The following NAA11 variants were observed in gnomAD, a reference collection of about 807,000 sequenced individuals.
NAA11 encodes the protein N-alpha-acetyltransferase 11.
A neutral mutation model predicts 16.1 loss-of-function variants in NAA11; 15 were observed. That is an observed-to-expected ratio of 0.93 (90% CI 0.62 to 1.44). The LOEUF is 1.44. Among genes scored for constraint, NAA11 ranks in the 40% most tolerant of loss-of-function variants. The pLI is 0.00. For missense variants in NAA11, 298 were observed against 291.3 expected (o/e 1.02, Z -0.17); for synonymous variants, 122 against 112.4 (o/e 1.09, Z -0.54).
the NAA11 span, among the ~76,000 whole-genome samples, chr4:79,191,650 T>C: frequency 6.6e-6 from 1 of 152,222 alleles, no homozygotes; most frequent in South Asian, 2.1e-4. Context: ...ACTCTGTTGA[T>C]AGTTTCTTTT....
chr4:79,307,642 T>A (rs1171153563), intron 1 of NAA11, among the ~76,000 whole-genome samples: 1 of 152,050 alleles, frequency 6.6e-6, no homozygotes, highest in Non-Finnish European at 1.5e-5. Flanking sequence ...TAGAGACACA[T>A]AAAACCTGAC....
chr4:79,244,638 C>CCCCCTCCCCCTCGCCATCTCCCCTCT (rs60096999), intron 2 of NAA11: 1 of 44,336 alleles, frequency 2.3e-5, no homozygotes, highest in African/African-American at 5.7e-5. Flanking sequence ...CCCTCCCCCT[C>CCCCCTCCCCCTCGCCATCTCCCCTCT]CCCGTCTCCG....
chr4:79,196,200 T>C, the NAA11 span, among the ~76,000 whole-genome samples: 1 of 152,052 alleles, frequency 6.6e-6, no homozygotes, highest in East Asian at 1.9e-4. Flanking sequence ...CTTCATTTCC[T>C]GTGCCCTCTA....
chr4:79,270,249 T>C (rs1722462654), intron 2 of NAA11, among the ~76,000 whole-genome samples: 1 of 151,936 alleles, frequency 6.6e-6, no homozygotes, highest in African/African-American at 2.4e-5. Flanking sequence ...AGAAAGTCAT[T>C]GGTAGCTTGA....
At chr4:79,168,642 CAT>C in the NAA11 span, among the ~76,000 whole-genome samples, 1 of 152,078 alleles carries the variant, frequency 6.6e-6, no homozygotes, top group African/African-American at 2.4e-5. Flanking sequence ...CTCTTTTTCA[CAT>C]GTTTATTTAC....
downstream of NAA11, among the ~76,000 whole-genome samples, chr4:79,314,943 T>C (rs116331942): frequency 5.3e-3 from 803 of 152,220 alleles, 6 homozygotes; most frequent in African/African-American, 0.018. Context: ...ATTGAAATTA[T>C]TAGGCCATCA....
At chr4:79,166,078 T>C in the NAA11 span, among the ~76,000 whole-genome samples, 1 of 152,180 alleles carries the variant, frequency 6.6e-6, no homozygotes, top group Non-Finnish European at 1.5e-5. Context: ...AATGGAGAAG[T>C]ACTTAAGCCA....
intron 1 of NAA11, among the ~76,000 whole-genome samples, chr4:79,318,697 G>C (rs1220401452): frequency 6.6e-6 from 1 of 152,110 alleles, no homozygotes; most frequent in Non-Finnish European, 1.5e-5. Flanking sequence ...AAGATATGGA[G>C]GAACAGGTCA....
intron 1 of NAA11, among the ~76,000 whole-genome samples, chr4:79,323,833 A>T (rs183276093): frequency 6.7e-6 from 1 of 149,658 alleles, no homozygotes; most frequent in African/African-American, 2.5e-5. Flanking sequence ...AAAAAGAAAA[A>T]AAGATACAAA....
intron 2 of NAA11, among the ~76,000 whole-genome samples, chr4:79,257,316 A>G (rs138800770): frequency 5.9e-5 from 9 of 152,248 alleles, no homozygotes; most frequent in African/African-American, 2.2e-4. Context: ...TGTCTGAAGC[A>G]TGTTTTCTAG....
the NAA11 span, among the ~76,000 whole-genome samples, chr4:79,174,531 T>C: frequency 6.6e-6 from 1 of 152,122 alleles, no homozygotes; most frequent in Non-Finnish European, 1.5e-5. Flanking sequence ...TTACTGGCCA[T>C]TGCTACATAG....
the NAA11 span, among the ~76,000 whole-genome samples, chr4:79,158,627 A>G: frequency 1.3e-5 from 2 of 151,112 alleles, no homozygotes; most frequent in Non-Finnish European, 3.0e-5. Context: ...TTCATATGGA[A>G]CCAAAAAAGA....
the NAA11 span, among the ~76,000 whole-genome samples, chr4:79,180,260 G>A: frequency 6.6e-6 from 1 of 152,078 alleles, no homozygotes; most frequent in African/African-American, 2.4e-5. Context: ...AAAAAATGAG[G>A]TGTCTTATAC....
At chr4:79,186,738 G>C in the NAA11 span, among the ~76,000 whole-genome samples, 1 of 152,110 alleles carries the variant, frequency 6.6e-6, no homozygotes, top group Non-Finnish European at 1.5e-5. Context: ...GGAGTTCCAA[G>C]GATAGAGAAG....
At chr4:79,194,858 C>G in the NAA11 span, among the ~76,000 whole-genome samples, 1 of 151,984 alleles carries the variant, frequency 6.6e-6, no homozygotes, top group Non-Finnish European at 1.5e-5. Flanking sequence ...ATGAAAAAAA[C>G]TAAGACATAT....
chr4:79,318,909 A>T (rs1453324229), intron 1 of NAA11, among the ~76,000 whole-genome samples: 1 of 152,160 alleles, frequency 6.6e-6, no homozygotes, highest in South Asian at 2.1e-4. Flanking sequence ...ATTCCCTTTA[A>T]AATGTTAGTA....
chr4:79,188,645 G>T, the NAA11 span, among the ~76,000 whole-genome samples: 1 of 151,834 alleles, frequency 6.6e-6, no homozygotes, highest in African/African-American at 2.4e-5. Context: ...TAACTTAATG[G>T]TGACAAAATT....
At chr4:79,214,537 C>T in the NAA11 span, among the ~76,000 whole-genome samples, 691 of 152,210 alleles carry the variant, frequency 4.5e-3, 3 homozygotes, top group African/African-American at 0.016. Context: ...CCGTGGCTCA[C>T]GCCTGTAATA....
intron 2 of NAA11, among the ~76,000 whole-genome samples, chr4:79,279,032 G>A (rs1031621532): frequency 2.6e-5 from 4 of 151,952 alleles, no homozygotes; most frequent in Non-Finnish European, 5.9e-5. Flanking sequence ...ATTCATGAGG[G>A]TAGGGCCCTC....
Sources: allele counts gnomAD v4.1 joint callset (sites outside exome capture counted in the v4.1 genomes callset), GRCh38; gene constraint gnomAD v4.1.1; transcripts MANE v1.5; gene names NCBI Gene and HGNC (gene_info 2026-07-23, HGNC 2026-07-21).